PLB1: variants seen among roughly 807,000 people sequenced by gnomAD.
PLB1 encodes the protein phospholipase B1, membrane-associated.
In PLB1, 242 loss-of-function variants were observed where a neutral mutation model predicts 227.4. That is an observed-to-expected ratio of 1.06 (90% CI 0.96 to 1.18). PLB1 has a LOEUF of 1.18. PLB1 is among the 50% of genes most tolerant of loss of function. The pLI is 0.00. For missense variants in PLB1, 1,858 were observed against 1,816.3 expected, an observed-to-expected ratio of 1.02 and a Z score of -0.42; for synonymous variants, 757 against 682.2, an observed-to-expected ratio of 1.11 and a Z score of -1.71.
intron 4 of PLB1, among the ~76,000 whole-genome samples, chr2:28,524,442 C>A (rs1272044436): frequency 6.6e-6 from 1 of 152,132 alleles, no homozygotes; most frequent in Non-Finnish European, 1.5e-5. Context: ...CCTATGTTGC[C>A]CAGCATTTTA....
chr2:28,638,152 C>T (rs890235361), intron 56 of PLB1, among the ~76,000 whole-genome samples: 3 of 151,746 alleles, frequency 2.0e-5, no homozygotes, highest in African/African-American at 7.3e-5. Context: ...AGGGAAAAGA[C>T]AGATAATCAA....
intron 49 of PLB1, 54 bp downstream of exon 49, chr2:28,621,032 G>A: frequency 6.8e-7 from 1 of 1,473,548 alleles, no homozygotes. Flanking sequence ...AGACATCAGG[G>A]TGGGAAACCG....
Position 28,620,943 on chromosome 2 carries a change from A to C in PLB1, c.3492A>C (p.Ala1164=), listed in dbSNP as rs747401390. 1.3e-5 allele frequency: 21 copies of C among 1,613,676 alleles called. No individual in the cohort carries two copies. In the South Asian group the frequency reaches 2.3e-4, roughly 18 times the overall value. The stretch of plus-strand genomic sequence containing the variant: ...CTACCAGCACCTGGGAGGGGACAGC[A>C]GGACTAAATGTGGCAGCGGAAGGGG... ...GFSTSTWEGT[A]GLNVAAEGAR... is the part of the protein sequence containing the mutation. Residue 1164 remains alanine, a synonymous_variant, in exon 49 of 58, where the codon GCA becomes GCC. Transcript: ENST00000327757.
intron 14 of PLB1, among the ~76,000 whole-genome samples, chr2:28,545,791 G>A (rs916484047): frequency 3.3e-4 from 50 of 152,074 alleles, no homozygotes; most frequent in African/African-American, 1.2e-3. Context: ...TACCTGTTCT[G>A]TGTCTACCCT....
intron 17 of PLB1, among the ~76,000 whole-genome samples, chr2:28,558,566 T>A (rs1223026545): frequency 6.6e-6 from 1 of 152,230 alleles, no homozygotes; most frequent in African/African-American, 2.4e-5. Flanking sequence ...CAGCTGGCTT[T>A]GTGATTTGCT....
At chr2:28,587,468 G>T (rs562730917) in intron 26 of PLB1, among the ~76,000 whole-genome samples, 1 of 152,154 alleles carries the variant, frequency 6.6e-6, no homozygotes, top group Non-Finnish European at 1.5e-5. Context: ...AAATTAGTCG[G>T]ACGTGGTGGC....
intron 23 of PLB1, 26 bp downstream of exon 23, chr2:28,579,733 G>A: frequency 6.3e-7 from 1 of 1,584,780 alleles, no homozygotes; most frequent in Middle Eastern, 1.7e-4. Context: ...CTTTACTCAA[G>A]ACTCACCCCC....
chr2:28,587,799 T>C (rs1331294897), intron 26 of PLB1, among the ~76,000 whole-genome samples: 2 of 152,118 alleles, frequency 1.3e-5, no homozygotes, highest in Non-Finnish European at 2.9e-5. Flanking sequence ...GCAAGAGCGG[T>C]TAGGAAAGCA....
At chr2:28,637,983 C>T (rs568018769) in intron 56 of PLB1, among the ~76,000 whole-genome samples, 6 of 152,244 alleles carry the variant, frequency 3.9e-5, no homozygotes, top group South Asian at 4.1e-4. Context: ...AGCCTTCCCC[C>T]GCCAAGCTTC....
intron 56 of PLB1, among the ~76,000 whole-genome samples, chr2:28,640,071 C>T (rs945862972): frequency 6.6e-6 from 1 of 152,222 alleles, no homozygotes; most frequent in African/African-American, 2.4e-5. Flanking sequence ...CTTCAGACAA[C>T]AGAAAGTGAG....
chr2:28,595,381 C>G (rs1682736980), intron 33 of PLB1: 1 of 152,154 alleles, frequency 6.6e-6, no homozygotes. Flanking sequence ...CAGCTTGACA[C>G]TTGGTAGAAT....
intron 42 of PLB1, 81 bp from the exon 43 acceptor site, chr2:28,606,415 A>G (rs2148307017): frequency 7.3e-7 from 1 of 1,376,804 alleles, no homozygotes; most frequent in East Asian, 2.3e-5. Flanking sequence ...AGCTTTCCCC[A>G]CTGCAGGATT....
intron 44 of PLB1, 142 bp from the exon 45 acceptor site, chr2:28,617,584 AC>A: frequency 1.3e-6 from 1 of 778,134 alleles, no homozygotes; most frequent in Non-Finnish European, 2.2e-6. Flanking sequence ...CCTATAACTC[AC>A]AGTTCTTTCC....
At chr2:28,538,507 T>C (rs954360879) in intron 10 of PLB1, 126 bp downstream of exon 10, 4 of 785,988 alleles carry the variant, frequency 5.1e-6, no homozygotes, top group Non-Finnish European at 8.1e-6. Flanking sequence ...GGGGAAACTT[T>C]AGAGCACCCC....
intron 9 of PLB1, among the ~76,000 whole-genome samples, chr2:28,535,051 T>A (rs1488316643): frequency 1.3e-5 from 2 of 152,104 alleles, no homozygotes; most frequent in Non-Finnish European, 2.9e-5. Context: ...TCCCAACACT[T>A]GTTCTCAGAC....
chr2:28,598,890 C>A, intron 35 of PLB1, 130 bp downstream of exon 35: 1 of 757,768 alleles, frequency 1.3e-6, no homozygotes, highest in Non-Finnish European at 2.3e-6. Context: ...AGGCTGCCCT[C>A]TTCCCTGCTG....
At chr2:28,497,002 A>G (rs373739879) in intron 1 of PLB1, among the ~76,000 whole-genome samples, 10 of 152,224 alleles carry the variant, frequency 6.6e-5, no homozygotes, top group African/African-American at 2.4e-4. Flanking sequence ...GGGGCAAGTC[A>G]GTTACCGCTC....
chr2:28,630,474 AGGCTGCAGGCCC>A, intron 53 of PLB1, 100 bp from the exon 54 acceptor site: 3 of 814,836 alleles, frequency 3.7e-6, no homozygotes, highest in Non-Finnish European at 5.8e-6. Flanking sequence ...AAGGCAGCAC[AGGCTGCAGGCCC>A]CTGGGGTAGT....
At chr2:28,638,362 C>T (rs975671497) in intron 56 of PLB1, among the ~76,000 whole-genome samples, 1 of 152,018 alleles carries the variant, frequency 6.6e-6, no homozygotes. Context: ...GTCTGAGGAA[C>T]TTAAAGGCCA....
Sources: allele counts gnomAD v4.1 joint callset (sites outside exome capture counted in the v4.1 genomes callset), GRCh38; gene constraint gnomAD v4.1.1; transcripts MANE v1.5; gene names NCBI Gene and HGNC (gene_info 2026-07-23, HGNC 2026-07-21).